RBFOX3: variants seen among roughly 807,000 people sequenced by gnomAD.
The protein encoded by RBFOX3 is RNA binding fox-1 homolog 3, also known as RNA binding protein fox-1 homolog 3.
Under a neutral mutation model 48.7 loss-of-function variants are expected in RBFOX3, and 17 were observed. The ratio of observed to expected loss-of-function variants is 0.35; its 90% CI spans 0.24 to 0.52. The LOEUF is 0.52. RBFOX3 is among the 20% of genes least tolerant of loss of function. The pLI, the probability that RBFOX3 is intolerant of heterozygous loss-of-function variation, is 0.94. For missense variants in RBFOX3, 382 were observed against 497.5 expected (o/e 0.77, Z 2.21); for synonymous variants, 212 against 209.5 (o/e 1.01, Z -0.10).
chr17:79,626,607 G>A, the RBFOX3 span, among the ~76,000 whole-genome samples: 3 of 152,198 alleles, frequency 2.0e-5, no homozygotes, highest in Admixed American at 6.5e-5. Flanking sequence ...TAAAGACCAC[G>A]CCTCCCGGGC....
intron 2 of RBFOX3, among the ~76,000 whole-genome samples, chr17:79,375,100 C>A (rs1487152188): frequency 2.0e-5 from 3 of 152,196 alleles, no homozygotes; most frequent in Non-Finnish European, 4.4e-5. Context: ...TTGAATGACA[C>A]CCTGTGTTCC....
intron 4 of RBFOX3, among the ~76,000 whole-genome samples, chr17:79,117,152 A>G (rs2034256392): frequency 6.6e-6 from 1 of 152,190 alleles, no homozygotes; most frequent in South Asian, 2.1e-4. Context: ...GGACCCCCTG[A>G]GCAGGCGAGG....
chr17:79,397,951 C>A (rs982994508), intron 2 of RBFOX3, among the ~76,000 whole-genome samples: 1 of 152,084 alleles, frequency 6.6e-6, no homozygotes, highest in Non-Finnish European at 1.5e-5. Context: ...ATCTGTCCGG[C>A]GGCGGATTTT....
At chr17:79,162,492 C>A (rs372784860) in intron 4 of RBFOX3, among the ~76,000 whole-genome samples, 1 of 152,204 alleles carries the variant, frequency 6.6e-6, no homozygotes, top group East Asian at 1.9e-4. Flanking sequence ...ATGCATGGAG[C>A]CATCCTAATA....
chr17:79,169,834 C>T (rs117100823), intron 4 of RBFOX3, among the ~76,000 whole-genome samples: 3,518 of 151,782 alleles, frequency 0.023, 60 homozygotes, highest in Middle Eastern at 0.044. Flanking sequence ...CTGAAAACCA[C>T]GGAACCGTAT....
intron 4 of RBFOX3, among the ~76,000 whole-genome samples, chr17:79,173,771 C>T (rs1171467111): frequency 1.3e-5 from 2 of 152,106 alleles, no homozygotes; most frequent in African/African-American, 4.8e-5. Flanking sequence ...CTTCTCCCAC[C>T]GTGTCTTGCC....
chr17:79,656,406 G>A, the RBFOX3 span, among the ~76,000 whole-genome samples: 1 of 152,142 alleles, frequency 6.6e-6, no homozygotes, highest in African/African-American at 2.4e-5. Flanking sequence ...TTGAGGTCAG[G>A]CATTCAAGAC....
chr17:79,409,515 G>A (rs2063990574), intron 2 of RBFOX3, among the ~76,000 whole-genome samples: 1 of 152,162 alleles, frequency 6.6e-6, no homozygotes, highest in South Asian at 2.1e-4. Context: ...CTATTTTCTG[G>A]TTTATTTTCC....
intron 2 of RBFOX3, among the ~76,000 whole-genome samples, chr17:79,416,038 G>T (rs187897654): frequency 5.5e-4 from 84 of 152,274 alleles, no homozygotes; most frequent in Non-Finnish European, 1.0e-3. Flanking sequence ...GCCTCCTTCT[G>T]CCGCCGCCTC....
chr17:79,590,754 C>T (rs1197911970), intron 1 of RBFOX3, among the ~76,000 whole-genome samples: 2 of 152,296 alleles, frequency 1.3e-5, no homozygotes, highest in African/African-American at 4.8e-5. Flanking sequence ...CACCTCCTGG[C>T]GTTCAGATGG....
rs1308013622 is a variant in RBFOX3, at chr17:79,477,463, G to T, written c.-175+4991C>A. On this transcript the variant is annotated intron_variant, in intron 2 of 14. Transcript: ENST00000693108. The surrounding 1 kb of genome is among the most constrained non-coding windows in gnomAD (Gnocchi z 4.8). The stretch of plus-strand genomic sequence containing the variant: ...CCCAGCTACTTGGGAGGCTGAGGCA[G>T]GAGAATGGCGTGAACCCGGGAGGCG... 6.6e-6 allele frequency among the ~76,000 whole-genome samples: 1 copy of T among 152,018 alleles called. No individual in the cohort carries two copies. Among genetic ancestry groups the T allele is most frequent in the Admixed American group, 6.5e-5 (1 of 15,280 alleles).
chr17:79,265,252 T>A (rs191428140), intron 3 of RBFOX3, among the ~76,000 whole-genome samples: 62 of 152,322 alleles, frequency 4.1e-4, no homozygotes, highest in Non-Finnish European at 8.1e-4. Flanking sequence ...CCTAAGTTTT[T>A]AAATGTAATG....
At chr17:79,640,037 T>C in the RBFOX3 span, among the ~76,000 whole-genome samples, 17 of 152,304 alleles carry the variant, frequency 1.1e-4, no homozygotes, top group East Asian at 3.1e-3. Flanking sequence ...TTTTTTTCTA[T>C]TTGCAGATGG....
At chr17:79,399,915 T>C (rs1331526001) in intron 2 of RBFOX3, among the ~76,000 whole-genome samples, 2 of 152,230 alleles carry the variant, frequency 1.3e-5, no homozygotes, top group African/African-American at 4.8e-5. Flanking sequence ...CTCTGGAATC[T>C]AGACATCGTT....
intron 1 of RBFOX3, among the ~76,000 whole-genome samples, chr17:79,562,714 CCGG>C (rs2092293010): frequency 6.6e-6 from 1 of 152,192 alleles, no homozygotes; most frequent in South Asian, 2.1e-4. Flanking sequence ...GGCCCCGGCC[CCGG>C]CTGGAGATAA....
intron 2 of RBFOX3, among the ~76,000 whole-genome samples, chr17:79,460,016 C>G (rs771769156): frequency 2.0e-5 from 3 of 152,106 alleles, no homozygotes; most frequent in Non-Finnish European, 2.9e-5. Context: ...TGCAGAAGGG[C>G]AGGTTTCACT....
chr17:79,554,241 C>T (rs895087382), intron 1 of RBFOX3, among the ~76,000 whole-genome samples: 5 of 152,116 alleles, frequency 3.3e-5, no homozygotes, highest in South Asian at 2.1e-4. Flanking sequence ...AACTGAGTTA[C>T]TTTTGTTCTC....
intron 2 of RBFOX3, among the ~76,000 whole-genome samples, chr17:79,448,165 T>C (rs1175884624): frequency 6.6e-6 from 1 of 152,106 alleles, no homozygotes; most frequent in Non-Finnish European, 1.5e-5. Context: ...TTGATAACAG[T>C]GTGAGAACAG....
rs905917206 is a variant in RBFOX3 at position 79,106,633 on chromosome 17, G to A, written c.360+18C>T. On this transcript the variant is annotated intron_variant, in intron 6 of 14. Transcript: ENST00000693108. ...GGCAGGTGTGGAGGGCAGGATGGGT[G>A]GGGCCGCGCACACTCACCCCGAACA... 6.9e-7 allele frequency: 1 copy of A among 1,442,318 alleles called. No homozygotes were observed. The highest frequency in any genetic ancestry group is 9.1e-7 in the Non-Finnish European group (1 of 1,101,666). The allele number at this position is 1,442,318 out of a possible 1,614,324, so 89.3% of individuals were successfully genotyped here.
Sources: gnomAD v4.1 joint callset for allele counts (sites outside exome capture counted in the v4.1 genomes callset) on GRCh38, gnomAD v4.1.1 for gene constraint, Gnocchi (gnomAD v3.1) non-coding constraint, MANE v1.5 for transcripts, NCBI Gene and HGNC (gene_info 2026-07-23, HGNC 2026-07-21) for gene names.